AP1M2: variants seen among roughly 807,000 people sequenced by gnomAD.
The protein encoded by AP1M2 is adaptor related protein complex 1 subunit mu 2.
In AP1M2, 41 loss-of-function variants were observed where a neutral mutation model predicts 54.6. The observed-to-expected ratio is 0.75, with a 90% CI of 0.59 to 0.97. The LOEUF is 0.97. Among genes scored for constraint, AP1M2 ranks in the 50% least tolerant of loss-of-function variants. The probability of loss-of-function intolerance (pLI) is 0.00; values close to 1 mark genes in which losing one functional copy is unlikely to be tolerated. For missense variants in AP1M2, 507 were observed against 561.2 expected (o/e 0.90, Z 0.98); for synonymous variants, 219 against 215.9 (o/e 1.01, Z -0.13).
chr19:10,587,128 C>T (rs1917673871), intron 1 of AP1M2, 62 bp downstream of exon 1: 1 of 1,540,772 alleles, frequency 6.5e-7, no homozygotes, highest in Non-Finnish European at 8.8e-7. Flanking sequence ...AGGGGTCGCC[C>T]CTGAATCCCT....
At position 10,572,791 on chromosome 19, in the gene AP1M2, ACTCGCGAGGAGGACTTCAAGCCC is replaced by A. The variant is rs1917098628; in HGVS notation, c.*252_*274del. ...CTAAGGCAGGTAATTGCAAGAAGGC[ACTCGCGAGGAGGACTTCAAGCCC>A]CTCTTCTATTTCTTCATATAAAATC... On this transcript the variant is annotated 3_prime_UTR_variant, in exon 12 of 12. Transcript: ENST00000250244. The A allele has an allele frequency of 5.3e-6, 2 of 375,296 alleles. No individual in the cohort carries two copies. Among genetic ancestry groups the A allele is most frequent in the Non-Finnish European group, 9.8e-6 (2 of 204,430 alleles). The allele number at this position is 375,296 out of a possible 1,614,324, so 23.2% of individuals were successfully genotyped here.
At chr19:10,579,906 G>C (rs903910185) in intron 6 of AP1M2, 48 bp from the exon 7 acceptor site, 4 of 1,540,196 alleles carry the variant, frequency 2.6e-6, no homozygotes, top group Non-Finnish European at 3.5e-6. Flanking sequence ...AACCAGGAAA[G>C]GATCCCTATC....
At position 10,578,713 on chromosome 19, in the gene AP1M2, G is replaced by A. The variant is rs1205145013; in HGVS notation, c.888+179C>T. On this transcript the variant is annotated intron_variant, in intron 8 of 11. Transcript: ENST00000250244. ...ACTACAGGCACTCACCACTTTACCA[G>A]GCTAATTTTTGTATTTTTTGTAGAA... is the stretch of plus-strand genomic sequence containing the variant. 3.3e-5 allele frequency among the ~76,000 whole-genome samples: 5 copies of A among 151,850 alleles called. No homozygotes were observed. The South Asian group carries it at 1.0e-3, about 32-fold the overall frequency.
Position 10,577,302 on chromosome 19 carries a change from G to T in AP1M2, c.943C>A (p.Pro315Thr). 1 of 1,611,794 alleles carries T rather than the reference G, an allele frequency of 6.2e-7. No individual in the cohort carries two copies. The highest frequency in any genetic ancestry group is 8.5e-7 in the Non-Finnish European group (1 of 1,179,088). Reference protein sequence around the residue: ...SVANGVEISVPVPSDADSPRF... With the variant: ...SVANGVEISVTVPSDADSPRF... ...GGGGAGTCGGCATCGCTGGGTACAGGCACAGATATCTCCACACCGTTGGCC... is the reference window on the plus strand; with the variant it reads ...GGGGAGTCGGCATCGCTGGGTACAGTCACAGATATCTCCACACCGTTGGCC... The change falls in exon 9 of 12, where the codon CCT (proline) becomes ACT (threonine). Residue 315 changes from proline to threonine, a missense_variant. Transcript: ENST00000250244.
In AP1M2 at chr19:10,579,836, C is replaced by G. The variant is rs1917374831; in HGVS notation, c.696G>C (p.Glu232Asp). Residue 232 changes from glutamate (E) to aspartate (D), a missense_variant, in exon 7 of 12, where the codon GAG (glutamate) becomes GAC (aspartate). Transcript: ENST00000250244. ...ACTGGTGGAATTTTACATCCTCCAG[C>G]TCTACTGATTTGTTCTTGCTGCCTG... Reference protein sequence around the residue: ...LTGRSKNKSVELEDVKFHQCV... With the variant: ...LTGRSKNKSVDLEDVKFHQCV... 1 of 1,612,378 alleles carries G rather than the reference C, an allele frequency of 6.2e-7. No individual in the cohort carries two copies.
At chr19:10,579,347 C>T (rs902575828) in intron 7 of AP1M2, among the ~76,000 whole-genome samples, 2 of 151,962 alleles carry the variant, frequency 1.3e-5, no homozygotes, top group African/African-American at 4.8e-5. Flanking sequence ...ACCTGGGAGG[C>T]GGAGCTTGCA....
chr19:10,585,430 G>A (rs1414947195), intron 1 of AP1M2, among the ~76,000 whole-genome samples: 2 of 152,148 alleles, frequency 1.3e-5, no homozygotes, highest in African/African-American at 4.8e-5. Context: ...TGGACACGGT[G>A]GCTCACGCCT....
chr19:10,583,555 C>A, intron 3 of AP1M2, 51 bp downstream of exon 3: 1 of 1,388,480 alleles, frequency 7.2e-7, no homozygotes, highest in Non-Finnish European at 1.0e-6. Flanking sequence ...AAGAGGCGGG[C>A]AAGAGGGATA....
chr19:10,574,484 G>A lies in AP1M2; in HGVS notation c.1182C>T (p.Tyr394=). ...YFTVSGIQVR[Y]MKIIEKSGYQ... is the part of the protein sequence containing the mutation. ...AACCACTTTTCTCAATGATCTTCATGTATCGGACCTGGAAGGGAATGAAAA... is the reference window on the plus strand; with the variant it reads ...AACCACTTTTCTCAATGATCTTCATATATCGGACCTGGAAGGGAATGAAAA... Residue 394 remains tyrosine (Y), a synonymous_variant, in exon 11 of 12, where the codon TAC becomes TAT. Transcript: ENST00000250244. 3 of 1,564,270 alleles carry A rather than the reference G, an allele frequency of 1.9e-6. No individual in the cohort carries two copies. Among genetic ancestry groups the A allele is most frequent in the Non-Finnish European group, 2.6e-6 (3 of 1,154,182 alleles).
chr19:10,584,835 G>T (rs1917576801), intron 1 of AP1M2: 1 of 151,956 alleles, frequency 6.6e-6, no homozygotes, highest in Admixed American at 6.6e-5. Flanking sequence ...TGGAAACTGG[G>T]GATTGATCTA....
chr19:10,578,241 G>T (rs1917310676), intron 8 of AP1M2, among the ~76,000 whole-genome samples: 1 of 152,216 alleles, frequency 6.6e-6, no homozygotes, highest in Admixed American at 6.6e-5. Context: ...CCTTAGGATT[G>T]TGGAGGCCTG....
intron 8 of AP1M2, among the ~76,000 whole-genome samples, chr19:10,578,273 G>C (rs1028371479): frequency 6.6e-6 from 1 of 152,096 alleles, no homozygotes; most frequent in Non-Finnish European, 1.5e-5. Flanking sequence ...CATATGAAAG[G>C]CTTGTTGAAA....
At chr19:10,579,034 T>TTTTTC in intron 7 of AP1M2, 71 bp from the exon 8 acceptor site, 2 of 1,119,990 alleles carry the variant, frequency 1.8e-6, no homozygotes, top group Non-Finnish European at 1.2e-6. Context: ...TTTTTTTTTT[T>TTTTTC]CTTTCTTTGA....
rs373760562 is a variant in AP1M2 at position 10,583,699 on chromosome 19, G to A, written c.200-26C>T. 1.9e-6 allele frequency: 3 copies of A among 1,607,062 alleles called. No homozygotes were observed. The African/African-American group carries it at 4.0e-5, about 22-fold the overall frequency. On this transcript the variant is annotated intron_variant, in intron 2 of 11. Transcript: ENST00000250244. ...CTGGGGCAGCAAGGTTAAGGAAAAG[G>A]TGCCATTTATGGAGAAGTAAATGGA...
In AP1M2 at chr19:10,584,001, C is replaced by G. The variant is rs1247097441; in HGVS notation, c.112G>C (p.Val38Leu). 1 of 1,609,298 alleles carries G rather than the reference C, an allele frequency of 6.2e-7. No homozygotes were observed. Among genetic ancestry groups the G allele is most frequent in the Non-Finnish European group, 8.5e-7 (1 of 1,177,980 alleles). ...AGGGCGCCTTCCTCCTCCCGCTGTACCAGCAAAGGCATGAAGTGCTCAATC... is the reference window on the plus strand; with the variant it reads ...AGGGCGCCTTCCTCCTCCCGCTGTAGCAGCAAAGGCATGAAGTGCTCAATC... ...SKIEHFMPLL[V>L]QREEEGALAP... The change falls in exon 2 of 12, where the codon GTA becomes CTA. Residue 38 changes from valine (V) to leucine (L), a missense_variant. By Grantham distance (32) the Val-to-Leu change is conservative. Coordinates refer to ENST00000250244, the MANE Select transcript of AP1M2 (RefSeq NM_005498.5).
At chr19:10,575,932 ATT>A (rs34986004) in intron 9 of AP1M2, among the ~76,000 whole-genome samples, 19 of 134,950 alleles carry the variant, frequency 1.4e-4, no homozygotes, top group Admixed American at 4.4e-4. Flanking sequence ...CGCCCAGCTA[ATT>A]TTTTTTTTTT....
intron 9 of AP1M2, among the ~76,000 whole-genome samples, chr19:10,576,253 G>A (rs967834850): frequency 7.1e-5 from 10 of 140,440 alleles, no homozygotes; most frequent in South Asian, 4.6e-4. Flanking sequence ...CCCCATGCCC[G>A]GCTAATTTTT....
chr19:10,574,547 C>T, intron 10 of AP1M2, 55 bp from the exon 11 acceptor site: 1 of 1,459,760 alleles, frequency 6.9e-7, no homozygotes, highest in South Asian at 1.3e-5. Flanking sequence ...GAGGCCAGGG[C>T]CAGGGAGAAA....
At chr19:10,579,689 C>T in intron 7 of AP1M2, 27 bp downstream of exon 7, 3 of 1,600,440 alleles carry the variant, frequency 1.9e-6, no homozygotes, top group Non-Finnish European at 2.6e-6. Flanking sequence ...ACCTACTCCA[C>T]CCAGATGGGG....
Sources: gnomAD v4.1 joint callset for allele counts (sites outside exome capture counted in the v4.1 genomes callset) on GRCh38, gnomAD v4.1.1 for gene constraint, MANE v1.5 for transcripts, NCBI Gene and HGNC (gene_info 2026-07-23, HGNC 2026-07-21) for gene names.